The following PKIB variants were observed in gnomAD, a reference collection of about 807,000 sequenced individuals.
PKIB encodes the protein cAMP-dependent protein kinase inhibitor beta.
Under a neutral mutation model 4.5 loss-of-function variants are expected in PKIB, and 2 were observed. That is an observed-to-expected ratio of 0.44 (90% CI 0.18 to 1.39). The LOEUF (loss-of-function observed/expected upper bound fraction) is 1.39. Ranked by LOEUF, PKIB falls within the 40% of genes most tolerant of loss-of-function variation. The probability of loss-of-function intolerance (pLI) is 0.27; values close to 1 mark genes in which losing one functional copy is unlikely to be tolerated. For synonymous variants in PKIB, 38 were observed against 36.0 expected (o/e 1.06, Z -0.20); for missense variants, 94 against 92.6 (o/e 1.02, Z -0.06).
chr6:122,485,557 T>C (rs373525093), intron 2 of PKIB, among the ~76,000 whole-genome samples: 78 of 152,332 alleles, frequency 5.1e-4, no homozygotes, highest in African/African-American at 1.8e-3. Context: ...CGTGTGTTAC[T>C]GGAATACAGA....
At chr6:122,724,206 A>C (rs534043127) in intron 4 of PKIB, among the ~76,000 whole-genome samples, 105 of 152,336 alleles carry the variant, frequency 6.9e-4, no homozygotes, top group Non-Finnish European at 9.1e-4. Flanking sequence ...GTTTAAAGAC[A>C]GTAGTGACTT....
chr6:122,700,820 G>A (rs996659700), intron 3 of PKIB, among the ~76,000 whole-genome samples: 2 of 152,210 alleles, frequency 1.3e-5, no homozygotes, highest in African/African-American at 4.8e-5. Flanking sequence ...TTTCTCAGAA[G>A]TGGCTGCCTC....
intron 1 of PKIB, among the ~76,000 whole-genome samples, chr6:122,627,070 T>TAAAA (rs60344840): frequency 9.2e-6 from 1 of 108,348 alleles, no homozygotes; most frequent in Non-Finnish European, 1.9e-5. Context: ...CCGTCTCTAC[T>TAAAA]AAAAAAAAAA....
At chr6:122,647,057 CAG>C (rs1009237720) in intron 2 of PKIB, among the ~76,000 whole-genome samples, 2 of 151,894 alleles carry the variant, frequency 1.3e-5, no homozygotes, top group African/African-American at 4.8e-5. Context: ...AGATGAAAAA[CAG>C]AGAAACAGAA....
At chr6:122,693,572 A>G (rs7751314) in intron 3 of PKIB, among the ~76,000 whole-genome samples, 72,554 of 151,628 alleles carry the variant, frequency 0.48, 18,072 homozygotes, top group Non-Finnish European at 0.56. Flanking sequence ...ATATATAAAT[A>G]TGACAATACT....
chr6:122,709,138 A>G (rs931801660), intron 3 of PKIB, among the ~76,000 whole-genome samples: 5 of 152,224 alleles, frequency 3.3e-5, no homozygotes, highest in Non-Finnish European at 7.3e-5. Flanking sequence ...AGTCCAGGGT[A>G]GTAAAATAGA....
intron 2 of PKIB, chr6:122,483,772 G>A (rs553503565): frequency 6.6e-6 from 1 of 152,228 alleles, no homozygotes; most frequent in South Asian, 2.1e-4. Context: ...TCTGCAGGCT[G>A]TAAGGGTCTA....
At chr6:122,476,478 T>G (rs911067640) in intron 1 of PKIB, among the ~76,000 whole-genome samples, 7 of 152,172 alleles carry the variant, frequency 4.6e-5, no homozygotes, top group Non-Finnish European at 1.0e-4. Context: ...AATTATGGTC[T>G]TAATGTTAAA....
At chr6:122,568,909 A>C (rs1773274812) in intron 2 of PKIB, among the ~76,000 whole-genome samples, 1 of 152,100 alleles carries the variant, frequency 6.6e-6, no homozygotes, top group Admixed American at 6.5e-5. Flanking sequence ...GACTGCCTGG[A>C]TCTTAACCCA....
chr6:122,699,382 A>G (rs542259996), intron 3 of PKIB, among the ~76,000 whole-genome samples: 6 of 152,304 alleles, frequency 3.9e-5, no homozygotes, highest in African/African-American at 1.4e-4. Flanking sequence ...AGCCTAATTC[A>G]TAGTAGCAAA....
chr6:122,651,919 A>G (rs1311281368), intron 2 of PKIB, among the ~76,000 whole-genome samples: 1 of 152,146 alleles, frequency 6.6e-6, no homozygotes, highest in Non-Finnish European at 1.5e-5. Context: ...ATATATGGTC[A>G]CCTAAAACCT....
At chr6:122,662,642 A>G (rs1194416148) in intron 2 of PKIB, among the ~76,000 whole-genome samples, 15 of 152,128 alleles carry the variant, frequency 9.9e-5, no homozygotes, top group Admixed American at 9.8e-4. Context: ...AAAAACATAA[A>G]GATGAGGCAT....
At chr6:122,639,308 G>A (rs1776041004) in intron 2 of PKIB, among the ~76,000 whole-genome samples, 1 of 152,190 alleles carries the variant, frequency 6.6e-6, no homozygotes, top group African/African-American at 2.4e-5. Flanking sequence ...CCTTGTCAAG[G>A]AGAGTAAAGG....
At chr6:122,715,349 C>T (rs1014510967) in intron 3 of PKIB, among the ~76,000 whole-genome samples, 1 of 152,000 alleles carries the variant, frequency 6.6e-6, no homozygotes, top group African/African-American at 2.4e-5. Context: ...GCAGAGTTAA[C>T]TTCTTTGCAG....
chr6:122,537,929 T>G (rs1777457838), intron 2 of PKIB, among the ~76,000 whole-genome samples: 2 of 152,046 alleles, frequency 1.3e-5, no homozygotes, highest in Admixed American at 6.6e-5. Context: ...TGATGGCCAG[T>G]GATGATGAGC....
intron 3 of PKIB, among the ~76,000 whole-genome samples, chr6:122,703,822 T>G (rs1778930165): frequency 6.7e-6 from 1 of 150,044 alleles, no homozygotes; most frequent in Non-Finnish European, 1.5e-5. Flanking sequence ...ATGTAAAAGC[T>G]ATATATACAC....
At chr6:122,557,495 A>C (rs1314958325) in intron 2 of PKIB, among the ~76,000 whole-genome samples, 1 of 152,184 alleles carries the variant, frequency 6.6e-6, no homozygotes, top group Non-Finnish European at 1.5e-5. Context: ...TTGTAAGTTA[A>C]AGCTGACCAA....
intron 4 of PKIB, 140 bp from the exon 5 acceptor site, chr6:122,724,988 C>A: frequency 1.6e-6 from 1 of 636,732 alleles, no homozygotes. Context: ...ACTCATATCG[C>A]TCTTCTTTGT....
chr6:122,581,488 A>C (rs1321524140), intron 2 of PKIB, among the ~76,000 whole-genome samples: 1 of 152,178 alleles, frequency 6.6e-6, no homozygotes, highest in East Asian at 1.9e-4. Context: ...AGAGCCTCAC[A>C]AAGGACTTAA....
Sources: gnomAD v4.1 joint callset for allele counts (sites outside exome capture counted in the v4.1 genomes callset) on GRCh38, gnomAD v4.1.1 for gene constraint, MANE v1.5 for transcripts, NCBI Gene and HGNC (gene_info 2026-07-23, HGNC 2026-07-21) for gene names.